The following NBDY variants were observed in gnomAD, a reference collection of about 807,000 sequenced individuals.
NBDY encodes the protein P-body dissociating protein.
chrX:56,738,220 A>C (rs987336130), intron 2 of NBDY, among the ~76,000 whole-genome samples: 8 of 112,343 alleles, frequency 7.1e-5, no homozygotes, highest in African/African-American at 2.3e-4. Context: ...GTTTATAGAA[A>C]AACAAACTTA....
chrX:56,801,447 C>G (rs775746547), intron 2 of NBDY, among the ~76,000 whole-genome samples: 1 of 110,338 alleles, frequency 9.1e-6, no homozygotes, highest in Admixed American at 9.6e-5. Context: ...GAGACTGCTT[C>G]TTCCTCTGCT....
At chrX:56,758,970 G>A (rs1267069348) in intron 2 of NBDY, among the ~76,000 whole-genome samples, 3 of 112,063 alleles carry the variant, frequency 2.7e-5, no homozygotes, top group Admixed American at 1.9e-4. Flanking sequence ...CCATGACCCC[G>A]TTGCTCTAAA....
rs1220746202 is a variant in NBDY, at chrX:56,817,441, C to T, written c.*288C>T. 1 of 111,726 alleles carries T rather than the reference C, an allele frequency of 9.0e-6. No homozygotes were observed. The highest frequency in any genetic ancestry group is 1.9e-5 in the Non-Finnish European group (1 of 53,164). The allele number at this position is 111,726 out of a possible 1,213,427, so 9.2% of individuals were successfully genotyped here. A position where few individuals can be genotyped will look rare whatever the true frequency, so the allele number is the denominator to read the frequency against. On this transcript the variant is annotated 3_prime_UTR_variant, in exon 3 of 3. Coordinates refer to ENST00000374922, the MANE Select transcript of NBDY (RefSeq NM_001348129.2). Reference sequence around the variant, plus strand: ...ATGCCCTGGATCATGGTGAACTTACCAAAGCAAACAATGCCTGTGAGATGG... The same window carrying T: ...ATGCCCTGGATCATGGTGAACTTACTAAAGCAAACAATGCCTGTGAGATGG...
In NBDY at chrX:56,729,562, G is replaced by T. The variant is rs368563457; in HGVS notation, c.*2G>T. On this transcript the variant is annotated 3_prime_UTR_variant, in exon 1 of 3. Coordinates refer to ENST00000374922, the MANE Select transcript of NBDY (RefSeq NM_001348129.2). The stretch of plus-strand genomic sequence containing the variant: ...CACCCTCCTCCTCCGGAGAAGTAGA[G>T]AAATAAATTTCTCCCACCCTAAACC... The T allele has an allele frequency of 2.9e-4, 85 of 296,310 alleles. No homozygotes were observed. Among genetic ancestry groups the T allele is most frequent in the African/African-American group, 2.1e-3 (76 of 36,436 alleles). 24.4% of individuals were successfully genotyped at this position (296,310 alleles called of 1,213,427 possible).
chrX:56,740,803 G>T (rs1047419357), intron 2 of NBDY, among the ~76,000 whole-genome samples: 3 of 111,039 alleles, frequency 2.7e-5, no homozygotes, highest in Non-Finnish European at 5.7e-5. Context: ...TACATGCAAA[G>T]TGTAATAATC....
Position 56,752,136 on chromosome X carries a change from G to C in NBDY, c.*166+19937G>C, listed in dbSNP as rs74316449. ...GCACCTAGGTTGATTTAATGTCTTT[G>C]CTATTGTGAATAGTACAGTAGTGAA... On this transcript the variant is annotated intron_variant, in intron 2 of 2. Coordinates refer to ENST00000374922, the MANE Select transcript of NBDY (RefSeq NM_001348129.2). Among the ~76,000 whole-genome samples the C allele has an allele frequency of 2.4e-4, 27 of 112,280 alleles. No homozygotes were observed. The East Asian group carries it at 7.0e-3, about 29-fold the overall frequency.
intron 2 of NBDY, among the ~76,000 whole-genome samples, chrX:56,738,063 A>T (rs774387741): frequency 1.4e-4 from 16 of 111,979 alleles, no homozygotes; most frequent in Admixed American, 1.3e-3. Context: ...CCATATTCCA[A>T]TGTTATCAGT....
intron 2 of NBDY, among the ~76,000 whole-genome samples, chrX:56,751,048 C>T (rs1396792753): frequency 1.8e-5 from 2 of 111,469 alleles, no homozygotes; most frequent in Non-Finnish European, 3.8e-5. Flanking sequence ...CTTAGCATGA[C>T]CTAAAAGATT....
intron 2 of NBDY, among the ~76,000 whole-genome samples, chrX:56,808,685 T>C (rs1206789705): frequency 8.9e-6 from 1 of 112,003 alleles, no homozygotes; most frequent in Admixed American, 9.5e-5. Flanking sequence ...GTCTATCTAT[T>C]TTGTTGATCT....
chrX:56,786,253 G>A (rs2069727206), intron 2 of NBDY, among the ~76,000 whole-genome samples: 1 of 111,065 alleles, frequency 9.0e-6, no homozygotes, highest in Admixed American at 9.5e-5. Context: ...TGTAGCTTCT[G>A]CAGGCCCATA....
chrX:56,736,407 G>A (rs2069493586), intron 2 of NBDY, among the ~76,000 whole-genome samples: 1 of 111,477 alleles, frequency 9.0e-6, no homozygotes, highest in South Asian at 3.8e-4. Context: ...TGGGACCACC[G>A]GTGCCCGCCA....
intron 2 of NBDY, among the ~76,000 whole-genome samples, chrX:56,814,847 ATTTC>A (rs1379442889): frequency 9.2e-6 from 1 of 109,149 alleles, no homozygotes; most frequent in Middle Eastern, 4.4e-3. Context: ...ATTTTGGGGT[ATTTC>A]TTTTTTTTTT....
chrX:56,790,062 G>C (rs1174296536), intron 2 of NBDY, among the ~76,000 whole-genome samples: 8 of 111,416 alleles, frequency 7.2e-5, no homozygotes, highest in Non-Finnish European at 1.5e-4. Context: ...AAAAATGAAT[G>C]AGACAGTCGA....
intron 2 of NBDY, among the ~76,000 whole-genome samples, chrX:56,812,398 A>G (rs1467181806): frequency 9.1e-6 from 1 of 110,106 alleles, no homozygotes; most frequent in Non-Finnish European, 1.9e-5. Context: ...CCCTATTGCC[A>G]TAGGTGGCTG....
chrX:56,734,659 T>C (rs1348909358), intron 2 of NBDY, among the ~76,000 whole-genome samples: 2 of 111,705 alleles, frequency 1.8e-5, no homozygotes, highest in Non-Finnish European at 3.8e-5. Flanking sequence ...TCTTCTCATC[T>C]CCAGCAGGTA....
At chrX:56,739,258 A>ATATATATATATATGTATG (rs1329028806) in intron 2 of NBDY, among the ~76,000 whole-genome samples, 3 of 81,647 alleles carry the variant, frequency 3.7e-5, no homozygotes, top group Admixed American at 1.5e-4. Flanking sequence ...ATATATATAT[A>ATATATATATATATGTATG]TATATGTATG....
At chrX:56,783,609 C>T (rs2069709528) in intron 2 of NBDY, among the ~76,000 whole-genome samples, 1 of 112,074 alleles carries the variant, frequency 8.9e-6, no homozygotes, top group African/African-American at 3.2e-5. Flanking sequence ...GGCTCTAAAC[C>T]CCAGTCGGGG....
chrX:56,737,410 A>G, intron 2 of NBDY: 2 of 645,684 alleles, frequency 3.1e-6, no homozygotes, highest in Non-Finnish European at 5.2e-6. Flanking sequence ...TCCTGTCATT[A>G]TAAAGGTTCT....
intron 2 of NBDY, among the ~76,000 whole-genome samples, chrX:56,767,335 C>CCCACA (rs2069671120): frequency 8.8e-6 from 1 of 113,217 alleles, no homozygotes; most frequent in Non-Finnish European, 1.9e-5. Context: ...TGATGGCAGC[C>CCCACA]CTGGCAGCCC....
Sources: gnomAD v4.1 joint callset for allele counts (sites outside exome capture counted in the v4.1 genomes callset) on GRCh38, gnomAD v4.1.1 for gene constraint, MANE v1.5 for transcripts, NCBI Gene and HGNC (gene_info 2026-07-23, HGNC 2026-07-21) for gene names.